Variants in DPY19L3 observed in about 807,000 individuals in gnomAD.
DPY19L3 encodes the protein dpy-19 like C-mannosyltransferase 3.
DPY19L3 carries 51 observed loss-of-function variants against 92.3 expected under a neutral mutation model. The ratio of observed to expected loss-of-function variants is 0.55; its 90% CI spans 0.44 to 0.70. DPY19L3 has a LOEUF of 0.70. Ranked by LOEUF, DPY19L3 falls within the 30% of genes least tolerant of loss-of-function variation. DPY19L3 has a pLI of 0.00. For synonymous variants in DPY19L3, 309 were observed against 315.2 expected, an observed-to-expected ratio of 0.98 and a Z score of 0.21; for missense variants, 706 against 855.9, an observed-to-expected ratio of 0.82 and a Z score of 2.18.
chr19:32,447,315 C>T (rs1386049692), intron 8 of DPY19L3, among the ~76,000 whole-genome samples: 1 of 152,110 alleles, frequency 6.6e-6, no homozygotes, highest in Non-Finnish European at 1.5e-5. Flanking sequence ...ATCGGTCATC[C>T]AAGCTCTCAC....
At position 32,478,933 on chromosome 19, in the gene DPY19L3, C is replaced by G. The variant is rs78494858; in HGVS notation, c.1830+1279C>G. Among the ~76,000 whole-genome samples the G allele has an allele frequency of 4.0e-4, 61 of 152,130 alleles. No homozygotes were observed. In the East Asian group the frequency reaches 7.0e-3, roughly 17 times the overall value. Reference sequence around the variant, plus strand: ...AGTGCTGGGTCAGGGTTGTTGACATCTGTAGTGTAGATCGAGAGATGTTAT... The same window carrying G: ...AGTGCTGGGTCAGGGTTGTTGACATGTGTAGTGTAGATCGAGAGATGTTAT... On this transcript the variant is annotated intron_variant, in intron 17 of 18. Coordinates refer to ENST00000392250, the MANE Select transcript of DPY19L3 (RefSeq NM_001172774.2).
Position 32,453,277 on chromosome 19 carries a change from G to T in DPY19L3, c.987+1G>T. On this transcript the variant is annotated splice_donor_variant, in intron 9 of 18. Transcript: ENST00000392250. LOFTEE classifies it high-confidence loss of function. ...AGTATTCATTGCAAGAAAACTTCAG[G>T]TAGGACTTTTTTTTTGTCCTTTATC... is the stretch of plus-strand genomic sequence containing the variant. 1.9e-6 allele frequency: 3 copies of T among 1,595,958 alleles called. No individual in the cohort carries two copies. The highest frequency in any genetic ancestry group is 2.6e-6 in the Non-Finnish European group (3 of 1,175,308).
Position 32,436,461 on chromosome 19 carries a change from TATATG to T in DPY19L3, c.348_352del (p.Tyr116Ter), listed in dbSNP as rs1473227476. 1.3e-6 allele frequency: 2 copies of T among 1,532,804 alleles called. No individual in the cohort carries two copies. The highest frequency in any genetic ancestry group is 1.8e-6 in the Non-Finnish European group (2 of 1,121,846). 95.0% of individuals were successfully genotyped at this position (1,532,804 alleles called of 1,614,324 possible). On this transcript the variant is annotated frameshift_variant, in exon 5 of 19. Coordinates refer to ENST00000392250, the MANE Select transcript of DPY19L3 (RefSeq NM_001172774.2). LOFTEE classifies it high-confidence loss of function. ...ATATCTATAGGTTTTCATGGCCTAA[TATATG>T]ATAATAAAACTGAATCTATGAAGAC...
intron 8 of DPY19L3, among the ~76,000 whole-genome samples, chr19:32,447,816 T>TAGATTAGATAGATAGATAGATAGA (rs1555721982): frequency 1.3e-4 from 12 of 89,916 alleles, no homozygotes; most frequent in East Asian, 8.4e-4. Flanking sequence ...GATAGATAGA[T>TAGATTAGATAGATAGATAGATAGA]TAGATAGATA....
chr19:32,439,703 C>T, intron 7 of DPY19L3, 73 bp from the exon 8 acceptor site: 1 of 1,514,542 alleles, frequency 6.6e-7, no homozygotes, highest in Non-Finnish European at 9.0e-7. Context: ...ACTGGCTGCT[C>T]TTGAGAAAAC....
At chr19:32,425,536 G>A (rs1968729867) in intron 3 of DPY19L3, among the ~76,000 whole-genome samples, 1 of 151,396 alleles carries the variant, frequency 6.6e-6, no homozygotes, top group South Asian at 2.1e-4. Flanking sequence ...GGGTAACAGA[G>A]CGAGACTCTG....
intron 8 of DPY19L3, among the ~76,000 whole-genome samples, chr19:32,444,646 A>G (rs959358909): frequency 6.6e-6 from 1 of 152,240 alleles, no homozygotes; most frequent in Non-Finnish European, 1.5e-5. Context: ...ATCAAACAGG[A>G]TAAATCCAAA....
intron 3 of DPY19L3, among the ~76,000 whole-genome samples, chr19:32,416,423 C>T (rs1003959182): frequency 6.6e-6 from 1 of 152,206 alleles, no homozygotes; most frequent in Non-Finnish European, 1.5e-5. Context: ...GAGGGCACAG[C>T]TCTCTACAAA....
chr19:32,413,857 C>T (rs936708882), intron 3 of DPY19L3, among the ~76,000 whole-genome samples: 13 of 152,078 alleles, frequency 8.5e-5, no homozygotes, highest in African/African-American at 3.1e-4. Flanking sequence ...TCCCGAGTAG[C>T]TGGGACCACA....
Position 32,458,182 on chromosome 19 carries a change from G to A in DPY19L3, c.1163+9G>A, listed in dbSNP as rs926034786. On this transcript the variant is annotated intron_variant, in intron 11 of 18. Coordinates refer to ENST00000392250, the MANE Select transcript of DPY19L3 (RefSeq NM_001172774.2). ...GGGCTTGGAGCAACAAGGTATAACT[G>A]AATTGAAAGTCTATGTTTGCTATTT... is the stretch of plus-strand genomic sequence containing the variant. The A allele has an allele frequency of 6.2e-7, 1 of 1,610,718 alleles. No individual in the cohort carries two copies. The highest frequency in any genetic ancestry group is 1.7e-5 in the Admixed American group (1 of 59,484).
intron 10 of DPY19L3, among the ~76,000 whole-genome samples, chr19:32,457,367 T>C (rs564975976): frequency 4.6e-4 from 70 of 152,338 alleles, no homozygotes; most frequent in African/African-American, 1.5e-3. Context: ...AACATAAATA[T>C]GTTGACCTCC....
chr19:32,473,186 A>T (rs1339688205), intron 16 of DPY19L3, among the ~76,000 whole-genome samples: 3 of 152,224 alleles, frequency 2.0e-5, no homozygotes, highest in Non-Finnish European at 4.4e-5. Context: ...AAATTATATA[A>T]TGTAAATCCA....
At chr19:32,456,441 T>C (rs1969869138) in intron 10 of DPY19L3, among the ~76,000 whole-genome samples, 1 of 151,850 alleles carries the variant, frequency 6.6e-6, no homozygotes, top group Non-Finnish European at 1.5e-5. Context: ...AAATTTTTTT[T>C]GCTTTTTTTT....
In DPY19L3 at chr19:32,432,797, C is replaced by G. The variant is rs1599616195; in HGVS notation, c.319C>G (p.Leu107Val). Residue 107 changes from leucine (L) to valine (V), a missense_variant, in exon 4 of 19, where the codon CTC becomes GTC. Leu to Val is a conservative substitution (Grantham distance 32). Transcript: ENST00000392250. ...CAAGCAGATGCTGCAGGCTCCAACC[C>G]TCGTGCAAGGTAATTACAACTGATA... ...YYKQMLQAPT[L>V]VQGFHGLIYD... is the part of the protein sequence containing the mutation. 2 of 1,613,646 alleles carry G rather than the reference C, an allele frequency of 1.2e-6. No individual in the cohort carries two copies. The highest frequency in any genetic ancestry group is 2.7e-5 in the African/African-American group (2 of 74,876).
chr19:32,435,288 C>T (rs148870914), intron 4 of DPY19L3, among the ~76,000 whole-genome samples: 4 of 152,204 alleles, frequency 2.6e-5, no homozygotes, highest in Admixed American at 2.6e-4. Flanking sequence ...TCTCCAAGAA[C>T]AGTCATATTA....
chr19:32,419,921 A>G (rs1341625358), intron 3 of DPY19L3, among the ~76,000 whole-genome samples: 3 of 140,212 alleles, frequency 2.1e-5, no homozygotes, highest in Non-Finnish European at 4.5e-5. Flanking sequence ...GTGCAGAGGC[A>G]CAATTTTGGC....
rs747919844 is a variant in DPY19L3, at chr19:32,463,453, C to G, written c.1410C>G (p.Thr470=). 75 of 1,613,336 alleles carry G rather than the reference C, an allele frequency of 4.6e-5. No homozygotes were observed. Among genetic ancestry groups the G allele is most frequent in the Admixed American group, 1.8e-4 (11 of 59,908 alleles). Residue 470 remains threonine, a synonymous_variant, in exon 13 of 19, where the codon ACC becomes ACG. Transcript: ENST00000392250. The stretch of plus-strand genomic sequence containing the variant: ...AAACTGCCTACAACTTAATACATAC[C>G]ATTCTGTTTGGATTCTTGGCATTGA... ...KPETAYNLIH[T]ILFGFLALST...
intron 6 of DPY19L3, among the ~76,000 whole-genome samples, 154 bp downstream of exon 6, chr19:32,437,493 T>C (rs17753948): frequency 0.032 from 4,799 of 152,276 alleles, 96 homozygotes; most frequent in Middle Eastern, 0.088. Flanking sequence ...ATTTTTCTTA[T>C]TTAGTTAGGG....
intron 10 of DPY19L3, among the ~76,000 whole-genome samples, chr19:32,455,269 CTT>C (rs1969831289): frequency 6.6e-6 from 1 of 152,080 alleles, no homozygotes; most frequent in African/African-American, 2.4e-5. Flanking sequence ...TTCTTTGAAA[CTT>C]TTAATTTTAA....
Sources: gnomAD v4.1 joint callset for allele counts (sites outside exome capture counted in the v4.1 genomes callset) on GRCh38, gnomAD v4.1.1 for gene constraint, MANE v1.5 for transcripts, NCBI Gene and HGNC (gene_info 2026-07-23, HGNC 2026-07-21) for gene names.